Variants in MCC observed in about 807,000 individuals in gnomAD.
The protein encoded by MCC is MCC regulator of Wnt signaling pathway.
A neutral mutation model predicts 116.2 loss-of-function variants in MCC; 90 were observed. That is an observed-to-expected ratio of 0.77 (90% CI 0.65 to 0.92). MCC has a LOEUF of 0.92. Among genes scored for constraint, MCC ranks in the 40% least tolerant of loss-of-function variants. The probability of loss-of-function intolerance (pLI) is 0.00; values close to 1 mark genes in which losing one functional copy is unlikely to be tolerated. For synonymous variants in MCC, 578 were observed against 510.5 expected, an observed-to-expected ratio of 1.13 and a Z score of -1.78; for missense variants, 1,516 against 1,312.2, an observed-to-expected ratio of 1.16 and a Z score of -2.40.
intron 3 of MCC, among the ~76,000 whole-genome samples, chr5:113,287,655 G>A (rs1766316570): frequency 2.0e-5 from 3 of 152,172 alleles, no homozygotes; most frequent in African/African-American, 7.2e-5. Context: ...TGCTATAAAT[G>A]CAGGTTTGAT....
chr5:113,141,537 G>T (rs537154339), intron 5 of MCC, among the ~76,000 whole-genome samples: 2 of 152,300 alleles, frequency 1.3e-5, no homozygotes, highest in South Asian at 4.1e-4. Flanking sequence ...GAGGGCTGGG[G>T]AGATGCCTAA....
chr5:113,472,311 T>C (rs1772117052), intron 1 of MCC, among the ~76,000 whole-genome samples: 1 of 152,210 alleles, frequency 6.6e-6, no homozygotes, highest in African/African-American at 2.4e-5. Context: ...TGTGTGGCCA[T>C]TCTGAGCATG....
intron 3 of MCC, among the ~76,000 whole-genome samples, chr5:113,327,249 A>C (rs999435363): frequency 6.6e-6 from 1 of 151,966 alleles, no homozygotes; most frequent in African/African-American, 2.4e-5. Context: ...TGGGATTTAC[A>C]TTTAACATAA....
intron 3 of MCC, among the ~76,000 whole-genome samples, chr5:113,253,105 G>C (rs879096599): frequency 1.3e-5 from 2 of 152,142 alleles, no homozygotes; most frequent in Admixed American, 1.3e-4. Context: ...CAACCCACTG[G>C]GGCACATAAA....
chr5:113,165,122 A>C (rs1190705877), intron 3 of MCC, among the ~76,000 whole-genome samples: 1 of 152,220 alleles, frequency 6.6e-6, no homozygotes, highest in Non-Finnish European at 1.5e-5. Flanking sequence ...GCCAAATCAA[A>C]GATGTCAGAA....
chr5:113,243,960 G>C (rs1304900624), intron 3 of MCC, among the ~76,000 whole-genome samples: 1 of 152,192 alleles, frequency 6.6e-6, no homozygotes, highest in African/African-American at 2.4e-5. Flanking sequence ...TTTGTTCATG[G>C]AGCCATGCAA....
chr5:113,333,820 CATATATGT>C lies in MCC; in HGVS notation c.627+6691_627+6698del, dbSNP rs776847278. On this transcript the variant is annotated intron_variant, in intron 3 of 18. Coordinates refer to ENST00000408903, the MANE Select transcript of MCC (RefSeq NM_001085377.2). ...ATATATGTATATATGTATATATGTA[CATATATGT>C]ATATATGTATATATGTATATATGTA... Among the ~76,000 whole-genome samples the C allele has an allele frequency of 1.6e-3, 133 of 85,478 alleles. 1 individual carries two copies. Among genetic ancestry groups the C allele is most frequent in the African/African-American group, 4.0e-3 (75 of 18,970 alleles). The allele number at this position is 85,478 out of a possible 152,430, so 56.1% of individuals were successfully genotyped here.
intron 5 of MCC, among the ~76,000 whole-genome samples, chr5:113,130,630 G>A (rs982716047): frequency 1.3e-5 from 2 of 152,166 alleles, no homozygotes; most frequent in African/African-American, 2.4e-5. Context: ...TCCCTCAAGA[G>A]ATTATTGCCC....
chr5:113,281,585 A>G (rs961457161), intron 3 of MCC, among the ~76,000 whole-genome samples: 11 of 152,230 alleles, frequency 7.2e-5, no homozygotes, highest in African/African-American at 2.7e-4. Context: ...CAAAAGTCAT[A>G]AAAATTTAAA....
At chr5:113,448,540 C>T (rs1436421175) in intron 1 of MCC, among the ~76,000 whole-genome samples, 2 of 152,208 alleles carry the variant, frequency 1.3e-5, no homozygotes, top group African/African-American at 4.8e-5. Flanking sequence ...CTTTCTGGCA[C>T]AGAATGACAG....
At chr5:113,472,662 C>T (rs904672714) in intron 1 of MCC, among the ~76,000 whole-genome samples, 3 of 152,170 alleles carry the variant, frequency 2.0e-5, no homozygotes, top group African/African-American at 7.2e-5. Context: ...TTGTGAATAG[C>T]AAATTATTCC....
chr5:113,135,732 C>T (rs1254937746), intron 5 of MCC, among the ~76,000 whole-genome samples: 2 of 151,742 alleles, frequency 1.3e-5, no homozygotes, highest in Non-Finnish European at 2.9e-5. Flanking sequence ...TTCACCAATA[C>T]CAACTCATCC....
At chr5:113,416,919 C>T (rs868079307) in intron 1 of MCC, among the ~76,000 whole-genome samples, 11 of 150,530 alleles carry the variant, frequency 7.3e-5, no homozygotes, top group Admixed American at 6.0e-4. Context: ...ATTTTATTTA[C>T]GTATTGGATT....
At chr5:113,345,145 G>T (rs1163812622) in intron 2 of MCC, among the ~76,000 whole-genome samples, 2 of 152,208 alleles carry the variant, frequency 1.3e-5, no homozygotes, top group African/African-American at 4.8e-5. Flanking sequence ...ATGGGTCAGT[G>T]GTGGTGGCCA....
chr5:113,401,625 T>G (rs1263377734), intron 1 of MCC, among the ~76,000 whole-genome samples: 1 of 152,130 alleles, frequency 6.6e-6, no homozygotes, highest in Non-Finnish European at 1.5e-5. Flanking sequence ...CTCACACAGT[T>G]AGGGACTGTT....
intron 3 of MCC, among the ~76,000 whole-genome samples, chr5:113,162,129 T>C (rs944191889): frequency 2.0e-5 from 3 of 152,222 alleles, no homozygotes; most frequent in African/African-American, 7.2e-5. Context: ...GAATGGCTTT[T>C]AGGTCTGAAT....
At chr5:113,323,104 T>G (rs190003691) in intron 3 of MCC, 40 of 152,434 alleles carry the variant, frequency 2.6e-4, no homozygotes, top group African/African-American at 9.6e-4. Flanking sequence ...AACCAAGCAC[T>G]AACTTGCCTG....
At chr5:113,232,506 G>A (rs1763972362) in intron 3 of MCC, among the ~76,000 whole-genome samples, 1 of 152,072 alleles carries the variant, frequency 6.6e-6, no homozygotes, top group Non-Finnish European at 1.5e-5. Context: ...TTCCTATTCT[G>A]AATTCGCACG....
intron 3 of MCC, among the ~76,000 whole-genome samples, chr5:113,278,323 A>G (rs769897931): frequency 6.6e-6 from 1 of 152,212 alleles, no homozygotes; most frequent in Non-Finnish European, 1.5e-5. Context: ...GCCATTCACT[A>G]GAAAGTGAAT....
Sources: allele counts gnomAD v4.1 joint callset (sites outside exome capture counted in the v4.1 genomes callset), GRCh38; gene constraint gnomAD v4.1.1; transcripts MANE v1.5; gene names NCBI Gene and HGNC (gene_info 2026-07-23, HGNC 2026-07-21).